PRDM5: variants seen among roughly 807,000 people sequenced by gnomAD.
PRDM5 encodes PR domain zinc finger protein 5.
In PRDM5, 56 loss-of-function variants were observed where a neutral mutation model predicts 81.2. The observed-to-expected ratio is 0.69, with a 90% CI of 0.56 to 0.86. PRDM5 has a LOEUF of 0.86. Among genes scored for constraint, PRDM5 ranks in the 40% least tolerant of loss-of-function variants. The pLI, the probability that PRDM5 is intolerant of heterozygous loss-of-function variation, is 0.00. For synonymous variants in PRDM5, 267 were observed against 256.4 expected (o/e 1.04, Z -0.39); for missense variants, 697 against 770.1 (o/e 0.91, Z 1.12).
chr4:120,815,652 C>A (rs1754390871), intron 7 of PRDM5, among the ~76,000 whole-genome samples: 1 of 152,208 alleles, frequency 6.6e-6, no homozygotes, highest in South Asian at 2.1e-4. Context: ...TCCAGAGACA[C>A]ATAGCCACCC....
chr4:120,823,537 C>T (rs1296665133), intron 3 of PRDM5, among the ~76,000 whole-genome samples: 1 of 152,210 alleles, frequency 6.6e-6, no homozygotes, highest in East Asian at 1.9e-4. Flanking sequence ...CAGTCTCTTT[C>T]CTTTCATTTG....
At chr4:120,698,145 G>T (rs1734796157) in intron 15 of PRDM5, among the ~76,000 whole-genome samples, 1 of 148,424 alleles carries the variant, frequency 6.7e-6, no homozygotes, top group Admixed American at 6.7e-5. Flanking sequence ...AGTTAGTTGG[G>T]TGATGGTTCC....
At chr4:120,808,696 G>T (rs1219732823) in intron 8 of PRDM5, among the ~76,000 whole-genome samples, 1 of 152,184 alleles carries the variant, frequency 6.6e-6, no homozygotes, top group Non-Finnish European at 1.5e-5. Context: ...GGCTGCACAG[G>T]AGCCCACGGC....
At chr4:120,749,204 C>CAA (rs112490419) in intron 14 of PRDM5, among the ~76,000 whole-genome samples, 6 of 141,226 alleles carry the variant, frequency 4.2e-5, no homozygotes, top group African/African-American at 1.0e-4. Flanking sequence ...AACTAAATGT[C>CAA]AAAAAAAAAA....
chr4:120,730,529 C>T (rs540369767), intron 14 of PRDM5, among the ~76,000 whole-genome samples: 31 of 152,122 alleles, frequency 2.0e-4, no homozygotes, highest in Non-Finnish European at 3.7e-4. Flanking sequence ...AATTAAAATT[C>T]TCTGAATAGA....
chr4:120,777,115 C>A, intron 13 of PRDM5, 73 bp downstream of exon 13: 1 of 1,610,056 alleles, frequency 6.2e-7, no homozygotes, highest in Non-Finnish European at 8.5e-7. Context: ...TGTATTATTA[C>A]AATATTTCCT....
At chr4:120,741,232 C>G (rs1741889992) in intron 14 of PRDM5, among the ~76,000 whole-genome samples, 1 of 152,140 alleles carries the variant, frequency 6.6e-6, no homozygotes, top group Non-Finnish European at 1.5e-5. Flanking sequence ...TACGATGCTT[C>G]TGGAGCTAGG....
At chr4:120,699,410 T>G (rs1372332976) in intron 15 of PRDM5, among the ~76,000 whole-genome samples, 2 of 151,904 alleles carry the variant, frequency 1.3e-5, no homozygotes, top group Non-Finnish European at 2.9e-5. Context: ...TAAGCATTAC[T>G]TTATTTAAAA....
chr4:120,818,348 C>T lies in PRDM5; in HGVS notation c.650+5G>A, dbSNP rs754469516. 33 of 1,611,594 alleles carry T rather than the reference C, an allele frequency of 2.0e-5. No individual in the cohort carries two copies. Among genetic ancestry groups the T allele is most frequent in the East Asian group, 8.9e-5 (4 of 44,852 alleles). On this transcript the variant is annotated splice_donor_5th_base_variant and intron_variant, in intron 5 of 15. Transcript: ENST00000264808. ...ATTTTAAAGATATTTCTTTAATATA[C>T]GCACTGTCTTTGCAAAGCCTGCTTA...
intron 5 of PRDM5, among the ~76,000 whole-genome samples, chr4:120,817,222 T>C (rs1009378818): frequency 6.6e-6 from 1 of 152,228 alleles, no homozygotes; most frequent in Non-Finnish European, 1.5e-5. Flanking sequence ...AATTTCTAAA[T>C]ATGTAGTATC....
intron 2 of PRDM5, among the ~76,000 whole-genome samples, chr4:120,894,724 T>C (rs916246451): frequency 2.0e-5 from 3 of 152,184 alleles, no homozygotes; most frequent in African/African-American, 7.2e-5. Flanking sequence ...AAAAGTAGAA[T>C]TTACAAATGA....
At chr4:120,745,838 G>A (rs1467570567) in intron 14 of PRDM5, among the ~76,000 whole-genome samples, 39 of 146,874 alleles carry the variant, frequency 2.7e-4, no homozygotes, top group Non-Finnish European at 5.1e-4. Context: ...AATCAATATC[G>A]TGAAAATGGC....
chr4:120,813,359 A>G (rs1325245943), intron 7 of PRDM5, among the ~76,000 whole-genome samples: 1 of 152,202 alleles, frequency 6.6e-6, no homozygotes, highest in African/African-American at 2.4e-5. Context: ...CCTGGCCCCA[A>G]CAATGACTCA....
At chr4:120,853,040 C>T (rs1053180972) in intron 3 of PRDM5, among the ~76,000 whole-genome samples, 3 of 152,044 alleles carry the variant, frequency 2.0e-5, no homozygotes, top group African/African-American at 7.2e-5. Context: ...CCAAGTAAAC[C>T]TTCTCCATAA....
Position 120,710,344 on chromosome 4 carries a change from T to C in PRDM5, c.1693A>G (p.Arg565Gly). Residue 565 changes from arginine to glycine, a missense_variant, in exon 15 of 16, where the codon AGG becomes GGG. Physicochemically the swap from Arg to Gly is moderately radical, Grantham distance 125. This residue lies in a region of PRDM5 where 86 missense variants were observed against 135.2 expected (regional missense o/e 0.64). Transcript: ENST00000264808. ...AAAGGCTTTTCTCCAGTGTGCGTCC[T>C]CTTGTGCTCATCCAGGCCTCGCTTC... is the stretch of plus-strand genomic sequence containing the variant. ...SQKRGLDEHK[R>G]THTGEKPFQC... The C allele has an allele frequency of 6.2e-7, 1 of 1,614,076 alleles. No individual in the cohort carries two copies. Among genetic ancestry groups the C allele is most frequent in the Non-Finnish European group, 8.5e-7 (1 of 1,180,016 alleles).
chr4:120,899,322 C>A (rs1764993906), intron 2 of PRDM5, among the ~76,000 whole-genome samples: 1 of 152,144 alleles, frequency 6.6e-6, no homozygotes, highest in Non-Finnish European at 1.5e-5. Flanking sequence ...TCTCTGTTAT[C>A]CTCCACTCCA....
At chr4:120,861,270 A>C (rs763833339) in intron 2 of PRDM5, among the ~76,000 whole-genome samples, 1 of 152,170 alleles carries the variant, frequency 6.6e-6, no homozygotes, top group African/African-American at 2.4e-5. Flanking sequence ...AGCCTTCCAA[A>C]GTGCTGGGAT....
intron 1 of PRDM5, among the ~76,000 whole-genome samples, chr4:120,922,125 C>A (rs1725015921): frequency 6.6e-6 from 1 of 152,232 alleles, no homozygotes; most frequent in African/African-American, 2.4e-5. Flanking sequence ...GGGGAAAACA[C>A]CCGCCCACGC....
At chr4:120,684,999 G>C (rs2148974128) in exon 2 of PRDM5, 1 of 151,940 alleles carries the variant, frequency 6.6e-6, no homozygotes, top group East Asian at 1.9e-4. Context: ...TCTTCTCAGA[G>C]TATTTCTTCC....
Sources: gnomAD v4.1 joint callset for allele counts (sites outside exome capture counted in the v4.1 genomes callset) on GRCh38, gnomAD v4.1.1 for gene constraint, gnomAD v4.1.1 regional missense constraint, MANE v1.5 for transcripts, NCBI Gene and HGNC (gene_info 2026-07-23, HGNC 2026-07-21) for gene names.